The following CEP192 variants were observed in gnomAD, a reference collection of about 807,000 sequenced individuals.
CEP192 encodes centrosomal protein of 192 kDa.
Under a neutral mutation model 271.8 loss-of-function variants are expected in CEP192, and 151 were observed. The observed-to-expected ratio is 0.56, with a 90% CI of 0.49 to 0.64. The LOEUF (loss-of-function observed/expected upper bound fraction) is 0.64, where lower values mean the gene tolerates loss of function less well. CEP192 is among the 30% of genes least tolerant of loss of function. CEP192 has a pLI of 0.00. For synonymous variants in CEP192, 995 were observed against 1,076.5 expected (o/e 0.92, Z 1.48); for missense variants, 2,910 against 3,020.5 (o/e 0.96, Z 0.86).
At chr18:13,059,355 A>G (rs1298175448) in intron 21 of CEP192, 43 bp downstream of exon 21, 4 of 1,514,140 alleles carry the variant, frequency 2.6e-6, no homozygotes, top group Non-Finnish European at 3.7e-6. Flanking sequence ...TGGCATTTTA[A>G]AGAAGACTGT....
Position 13,056,241 on chromosome 18 carries a change from T to A in CEP192, c.3651T>A (p.His1217Gln). 6.2e-7 allele frequency: 1 copy of A among 1,613,896 alleles called. No homozygotes were observed. ...AGREFSGQVS[H>Q]QTTSENQCTP... ...GTGAGTTCAGTGGCCAGGTTTCTCA[T>A]CAGACCACCTCTGAAAACCAGTGTA... The change falls in exon 19 of 45, where the codon CAT becomes CAA. Residue 1217 changes from histidine (H) to glutamine (Q), a missense_variant. By Grantham distance (24) the His-to-Gln change is conservative (BLOSUM62 0). Transcript: ENST00000506447.
chr18:13,003,548 T>A (rs16940024), intron 3 of CEP192, among the ~76,000 whole-genome samples: 6,610 of 148,230 alleles, frequency 0.045, 211 homozygotes, highest in African/African-American at 0.097. Flanking sequence ...AGGCCAAAGG[T>A]GCGGCCAGCC....
intron 30 of CEP192, among the ~76,000 whole-genome samples, chr18:13,077,664 G>A (rs1245621560): frequency 6.6e-6 from 1 of 152,166 alleles, no homozygotes; most frequent in Non-Finnish European, 1.5e-5. Flanking sequence ...TTGACAATGT[G>A]TCTGTCCTTG....
intron 37 of CEP192, 125 bp from the exon 38 acceptor site, chr18:13,100,180 T>G: frequency 1.5e-6 from 1 of 668,934 alleles, no homozygotes; most frequent in Non-Finnish European, 2.6e-6. Flanking sequence ...AAACTTTAAT[T>G]CCTAAATTTA....
Position 13,059,229 on chromosome 18 carries a change from A to G in CEP192, c.4405A>G (p.Thr1469Ala). The G allele has an allele frequency of 6.2e-6, 10 of 1,614,216 alleles. No individual in the cohort carries two copies. The highest frequency in any genetic ancestry group is 8.5e-6 in the Non-Finnish European group (10 of 1,180,038). ...CAGTGTTGCTTCTTGGCCATGTTCG[A>G]CAGATGCTGAGACCATCGTACAGGC... The part of the protein sequence containing the change: ...TFSVASWPCS[T>A]DAETIVQAEA... Residue 1469 changes from threonine (T) to alanine (A), a missense_variant, in exon 21 of 45, where the codon ACA (threonine) becomes GCA (alanine). Thr to Ala is a moderately conservative substitution (Grantham distance 58). Coordinates refer to ENST00000506447, the MANE Select transcript of CEP192 (RefSeq NM_032142.4).
Position 13,029,778 on chromosome 18 carries a change from C to G in CEP192, c.1166C>G (p.Pro389Arg). 2 of 1,551,652 alleles carry G rather than the reference C, an allele frequency of 1.3e-6. No individual in the cohort carries two copies. The highest frequency in any genetic ancestry group is 1.7e-6 in the Non-Finnish European group (2 of 1,146,972). Residue 389 changes from proline to arginine, a missense_variant, in exon 10 of 45, where the codon CCT (proline) becomes CGT (arginine). Pro to Arg is a moderately radical substitution (Grantham distance 103). Transcript: ENST00000506447. The stretch of plus-strand genomic sequence containing the variant: ...AGAGGTGGTTTTGATCTGACTGACC[C>G]TGTAAAACAGGGGGCAGAGTGTCCT... ...ANRGGFDLTD[P>R]VKQGAECPHQ...
At position 13,008,374 on chromosome 18, in the gene CEP192, T is replaced by G. The variant is rs1371703586; in HGVS notation, c.291-82T>G. 4 of 1,014,522 alleles carry G rather than the reference T, an allele frequency of 3.9e-6. No homozygotes were observed. In the Admixed American group the frequency reaches 1.1e-4, roughly 28 times the overall value. 62.8% of individuals were successfully genotyped at this position (1,014,522 alleles called of 1,614,324 possible). On this transcript the variant is annotated intron_variant, in intron 3 of 44. Transcript: ENST00000506447. ...CATTTTTTCTTTTTAAGAGGTAAAA[T>G]ACATAACTGATTAATAAATATTTTG...
At position 13,122,535 on chromosome 18, in the gene CEP192, C is replaced by T. The variant is rs376194281; in HGVS notation, c.7476-2097C>T. On this transcript the variant is annotated intron_variant, in intron 44 of 44. Transcript: ENST00000506447. ...AACAGAGGTTGCAGTGAGCTGAGAT[C>T]GTGCCACTGCACTCCAGCTTGGGCG... 1.8e-4 allele frequency among the ~76,000 whole-genome samples: 27 copies of T among 152,154 alleles called. No individual in the cohort carries two copies. The East Asian group carries it at 3.7e-3, about 21-fold the overall frequency.
intron 44 of CEP192, among the ~76,000 whole-genome samples, chr18:13,122,139 G>T (rs2040691108): frequency 1.3e-5 from 2 of 152,172 alleles, no homozygotes; most frequent in African/African-American, 2.4e-5. Context: ...AATGCAAAAA[G>T]CAGGCCAGGC....
At chr18:13,082,637 G>A (rs1298547551) in intron 30 of CEP192, among the ~76,000 whole-genome samples, 6 of 151,850 alleles carry the variant, frequency 4.0e-5, no homozygotes, top group African/African-American at 1.5e-4. Flanking sequence ...GGTTAATATT[G>A]TTATGTGTGA....
intron 30 of CEP192, among the ~76,000 whole-genome samples, chr18:13,084,071 G>C (rs1008063081): frequency 6.6e-6 from 1 of 152,136 alleles, no homozygotes; most frequent in African/African-American, 2.4e-5. Flanking sequence ...TAGGCTACAC[G>C]GGGGTCAGGG....
At chr18:13,024,941 T>TAGCCAGG (rs2035207773) in intron 9 of CEP192, among the ~76,000 whole-genome samples, 1 of 151,476 alleles carries the variant, frequency 6.6e-6, no homozygotes. Context: ...GGCTAATTTT[T>TAGCCAGG]TTGTATTTTT....
chr18:13,015,795 G>T (rs559128323), intron 6 of CEP192, among the ~76,000 whole-genome samples: 1 of 151,710 alleles, frequency 6.6e-6, no homozygotes, highest in South Asian at 2.1e-4. Context: ...ACCTGGGCTG[G>T]AGTGCAGTGG....
intron 3 of CEP192, among the ~76,000 whole-genome samples, chr18:13,007,272 C>G (rs1402167916): frequency 6.6e-6 from 1 of 152,152 alleles, no homozygotes; most frequent in South Asian, 2.1e-4. Flanking sequence ...GGAAGTTGCT[C>G]TTGCCTCTTT....
At chr18:13,113,772 A>G (rs2040311886) in intron 41 of CEP192, 67 bp downstream of exon 41, 1 of 1,443,830 alleles carries the variant, frequency 6.9e-7, no homozygotes, top group African/African-American at 1.5e-5. Context: ...GAAATTAATA[A>G]GAAAAGTTGG....
At chr18:13,034,556 C>T (rs1304201841) in intron 11 of CEP192, among the ~76,000 whole-genome samples, 1 of 151,924 alleles carries the variant, frequency 6.6e-6, no homozygotes, top group Admixed American at 6.6e-5. Flanking sequence ...GCCTGTAATC[C>T]CAGCACTTTG....
chr18:13,106,959 G>C (rs1293413692), intron 40 of CEP192, among the ~76,000 whole-genome samples: 1 of 152,152 alleles, frequency 6.6e-6, no homozygotes, highest in Non-Finnish European at 1.5e-5. Context: ...TTTTCTGTCT[G>C]TCACTGAGAA....
In CEP192 at chr18:13,038,481, A is replaced by G; in HGVS notation, c.1711A>G (p.Lys571Glu). Residue 571 changes from lysine to glutamate, a missense_variant, in exon 13 of 45, where the codon AAA becomes GAA. Physicochemically the swap from Lys to Glu is moderately conservative, Grantham distance 56 (BLOSUM62 1). Coordinates refer to ENST00000506447, the MANE Select transcript of CEP192 (RefSeq NM_032142.4). ...RKSRSTSDLDKDDASYLRLSL... is the reference protein window; with the variant it reads ...RKSRSTSDLDEDDASYLRLSL... Reference sequence around the variant, plus strand: ...ATCACGTAGCACATCAGATTTGGATAAAGATGATGCCAGTTATTTACGTCT... The same window carrying G: ...ATCACGTAGCACATCAGATTTGGATGAAGATGATGCCAGTTATTTACGTCT... 4 of 1,551,628 alleles carry G rather than the reference A, an allele frequency of 2.6e-6. No individual in the cohort carries two copies. The highest frequency in any genetic ancestry group is 3.5e-6 in the Non-Finnish European group (4 of 1,146,928).
Position 13,100,521 on chromosome 18 carries a change from T to C in CEP192, c.6871+9T>C. ...ACCTGGTGAAACTTCAGGTATTGTA[T>C]CACAAAATTATGTAATTCAAATGTC... On this transcript the variant is annotated intron_variant, in intron 38 of 44. Coordinates refer to ENST00000506447, the MANE Select transcript of CEP192 (RefSeq NM_032142.4). 11 of 1,583,880 alleles carry C rather than the reference T, an allele frequency of 6.9e-6. No individual in the cohort carries two copies. The highest frequency in any genetic ancestry group is 9.5e-6 in the Non-Finnish European group (11 of 1,154,038).
Sources: gnomAD v4.1 joint callset for allele counts (sites outside exome capture counted in the v4.1 genomes callset) on GRCh38, gnomAD v4.1.1 for gene constraint, MANE v1.5 for transcripts, NCBI Gene and HGNC (gene_info 2026-07-23, HGNC 2026-07-21) for gene names.